The following ENOX1 variants were observed in gnomAD, a reference collection of about 807,000 sequenced individuals.
ENOX1 encodes ecto-NOX disulfide-thiol exchanger 1.
A neutral mutation model predicts 82.5 loss-of-function variants in ENOX1; 42 were observed. The observed-to-expected ratio is 0.51, with a 90% CI of 0.40 to 0.66. The LOEUF is 0.66. Among genes scored for constraint, ENOX1 ranks in the 30% least tolerant of loss-of-function variants. The probability of loss-of-function intolerance (pLI) is 0.00; values close to 1 mark genes in which losing one functional copy is unlikely to be tolerated. For synonymous variants in ENOX1, 271 were observed against 282.2 expected, an observed-to-expected ratio of 0.96 and a Z score of 0.40; for missense variants, 608 against 811.6, an observed-to-expected ratio of 0.75 and a Z score of 3.05.
At chr13:43,249,597 A>G (rs2043335805) in intron 14 of ENOX1, among the ~76,000 whole-genome samples, 1 of 151,956 alleles carries the variant, frequency 6.6e-6, no homozygotes, top group Admixed American at 6.6e-5. Flanking sequence ...GACATTTCTT[A>G]TTTTTCTCTG....
chr13:43,292,505 C>T (rs966206206), intron 12 of ENOX1, among the ~76,000 whole-genome samples: 10 of 152,090 alleles, frequency 6.6e-5, no homozygotes, highest in African/African-American at 2.4e-4. Flanking sequence ...ACACTCTGTG[C>T]TCCTGCCTGC....
chr13:43,576,212 A>G (rs2080415131), intron 2 of ENOX1, among the ~76,000 whole-genome samples: 2 of 152,172 alleles, frequency 1.3e-5, no homozygotes, highest in South Asian at 4.1e-4. Context: ...TTGTAATAGG[A>G]CAACAGAAGC....
At chr13:43,771,933 ATTTTTTT>A (rs34718451) in intron 1 of ENOX1, among the ~76,000 whole-genome samples, 1 of 101,002 alleles carries the variant, frequency 9.9e-6, no homozygotes, top group African/African-American at 4.0e-5. Context: ...CGCCCGGCTA[ATTTTTTT>A]TTTTTTTTTT....
intron 3 of ENOX1, among the ~76,000 whole-genome samples, chr13:43,451,150 G>T (rs940334288): frequency 1.3e-5 from 2 of 152,144 alleles, no homozygotes; most frequent in African/African-American, 4.8e-5. Context: ...CTTCGGTCAG[G>T]AAAGGGGAAG....
intron 3 of ENOX1, among the ~76,000 whole-genome samples, chr13:43,413,699 T>TTTATATATTTATATATATTTATATATATA (rs1566157187): frequency 4.9e-4 from 72 of 146,672 alleles, no homozygotes; most frequent in South Asian, 2.1e-4. Context: ...ATATATATAT[T>TTTATATATTTATATATATTTATATATATA]TTTATATATT....
chr13:43,365,102 C>A (rs996959312), intron 5 of ENOX1, among the ~76,000 whole-genome samples: 2 of 152,180 alleles, frequency 1.3e-5, no homozygotes, highest in Non-Finnish European at 2.9e-5. Flanking sequence ...GTGCCTGGGC[C>A]GCCCTTCCTC....
At chr13:43,754,035 T>TATATAAATACATATATATACATATATAC (rs1566880724) in intron 1 of ENOX1, among the ~76,000 whole-genome samples, 1 of 126,078 alleles carries the variant, frequency 7.9e-6, no homozygotes, top group Non-Finnish European at 1.7e-5. Context: ...TACATATATA[T>TATATAAATACATATATATACATATATAC]GTATATAAAT....
intron 2 of ENOX1, among the ~76,000 whole-genome samples, chr13:43,635,603 C>T (rs1429800134): frequency 6.6e-6 from 1 of 152,080 alleles, no homozygotes; most frequent in East Asian, 1.9e-4. Context: ...GTAATTTCCA[C>T]ATGTGAGAAG....
chr13:43,418,943 G>A (rs1415148808), intron 3 of ENOX1, among the ~76,000 whole-genome samples: 1 of 152,144 alleles, frequency 6.6e-6, no homozygotes, highest in Non-Finnish European at 1.5e-5. Flanking sequence ...GGTTTGGGAG[G>A]CTGAGGTGGC....
intron 3 of ENOX1, among the ~76,000 whole-genome samples, chr13:43,475,896 A>G (rs2153651834): frequency 6.6e-6 from 1 of 151,732 alleles, no homozygotes; most frequent in South Asian, 2.1e-4. Context: ...TTAAAATTTT[A>G]CCATAAAGGA....
intron 1 of ENOX1, among the ~76,000 whole-genome samples, chr13:43,706,132 T>C: frequency 6.6e-6 from 1 of 151,950 alleles, no homozygotes; most frequent in Non-Finnish European, 1.5e-5. Flanking sequence ...TGTGTGAGAT[T>C]TACTAAGGCA....
rs567954915 is a variant in ENOX1 at position 43,245,301 on chromosome 13, C to T, written c.1612-8563G>A. On this transcript the variant is annotated intron_variant, in intron 14 of 16. Transcript: ENST00000690772. ...GGATGACCTCCACAGTGTCTTCCTG[C>T]TCCCTGATTCCATGCCTGCTCTGTG... is the stretch of plus-strand genomic sequence containing the variant. Among the ~76,000 whole-genome samples, 17 of 152,324 alleles carry T rather than the reference C, an allele frequency of 1.1e-4. No homozygotes were observed. In the East Asian group the frequency reaches 2.9e-3, roughly 26 times the overall value.
At chr13:43,718,676 C>CAAAAAAAAAAAAAAAAAAAAAAA (rs61671392) in intron 1 of ENOX1, among the ~76,000 whole-genome samples, 1 of 55,592 alleles carries the variant, frequency 1.8e-5, no homozygotes, top group African/African-American at 7.9e-5. Flanking sequence ...GACTCCGTCT[C>CAAAAAAAAAAAAAAAAAAAAAAA]AAAAAAAAAA....
chr13:43,492,548 T>A (rs950190523), intron 2 of ENOX1, among the ~76,000 whole-genome samples: 4 of 152,176 alleles, frequency 2.6e-5, no homozygotes, highest in African/African-American at 9.7e-5. Flanking sequence ...TTAACCCCAG[T>A]GCATCGTAAG....
intron 1 of ENOX1, among the ~76,000 whole-genome samples, chr13:43,719,799 AAGCTCT>A (rs2088443061): frequency 6.6e-6 from 1 of 152,048 alleles, no homozygotes; most frequent in Non-Finnish European, 1.5e-5. Context: ...GCCTGCACCC[AAGCTCT>A]AGCCTGTCCA....
At chr13:43,646,209 T>A (rs541441311) in intron 2 of ENOX1, among the ~76,000 whole-genome samples, 29 of 152,288 alleles carry the variant, frequency 1.9e-4, no homozygotes, top group African/African-American at 6.5e-4. Context: ...AGCAGTAACA[T>A]CCTTTATGTC....
intron 1 of ENOX1, among the ~76,000 whole-genome samples, chr13:43,684,806 G>A (rs764692666): frequency 5.9e-5 from 9 of 152,118 alleles, no homozygotes; most frequent in African/African-American, 1.2e-4. Flanking sequence ...CATAGACAGC[G>A]AAAGTTGTGT....
At position 43,696,287 on chromosome 13, in the gene ENOX1, T is replaced by C. The variant is rs376717966; in HGVS notation, c.-284-28743A>G. Among the ~76,000 whole-genome samples, 324 of 152,338 alleles carry C rather than the reference T, an allele frequency of 2.1e-3. 2 individuals carry two copies. The highest frequency in any genetic ancestry group is 0.019 in the South Asian group (92 of 4,826). On this transcript the variant is annotated intron_variant, in intron 1 of 16. Coordinates refer to ENST00000690772, the MANE Select transcript of ENOX1 (RefSeq NM_001347969.2). Reference sequence around the variant, plus strand: ...ATGTACAGGTACTTGTATGGAAATATGTTTTCAGTTCTCTTGGATACATAG... The same window carrying C: ...ATGTACAGGTACTTGTATGGAAATACGTTTTCAGTTCTCTTGGATACATAG...
At chr13:43,716,549 A>C (rs1397729168) in intron 1 of ENOX1, among the ~76,000 whole-genome samples, 1 of 152,184 alleles carries the variant, frequency 6.6e-6, no homozygotes, top group Non-Finnish European at 1.5e-5. Flanking sequence ...AGGCAAGAGA[A>C]AGATTTAATA....
Sources: gnomAD v4.1 joint callset for allele counts (sites outside exome capture counted in the v4.1 genomes callset) on GRCh38, gnomAD v4.1.1 for gene constraint, MANE v1.5 for transcripts, NCBI Gene and HGNC (gene_info 2026-07-23, HGNC 2026-07-21) for gene names.